RORA: variants seen among roughly 807,000 people sequenced by gnomAD.
The protein encoded by RORA is RAR related orphan receptor A, also known as nuclear receptor ROR-alpha.
Under a neutral mutation model 69.5 loss-of-function variants are expected in RORA, and 7 were observed. The observed-to-expected ratio is 0.10, with a 90% CI of 0.06 to 0.19. The LOEUF (loss-of-function observed/expected upper bound fraction) is 0.19. Ranked by LOEUF, RORA falls within the 10% of genes least tolerant of loss-of-function variation. The pLI, the probability that RORA is intolerant of heterozygous loss-of-function variation, is 1.00. For missense variants in RORA, 457 were observed against 663.0 expected, an observed-to-expected ratio of 0.69 and a Z score of 3.41; for synonymous variants, 261 against 240.8, an observed-to-expected ratio of 1.08 and a Z score of -0.78.
intron 1 of RORA, among the ~76,000 whole-genome samples, chr15:60,990,278 G>T (rs1040556879): frequency 6.6e-5 from 10 of 152,148 alleles, no homozygotes; most frequent in African/African-American, 2.4e-4. Flanking sequence ...AGGATATTTT[G>T]AAATTAGGAA....
chr15:60,653,007 G>A (rs1341406070), intron 2 of RORA, among the ~76,000 whole-genome samples: 2 of 152,210 alleles, frequency 1.3e-5, no homozygotes, highest in Non-Finnish European at 2.9e-5. Flanking sequence ...CAACAACAGA[G>A]TTCACTTCAT....
At chr15:60,722,883 AT>A in intron 1 of RORA, among the ~76,000 whole-genome samples, 1 of 152,164 alleles carries the variant, frequency 6.6e-6, no homozygotes, top group Non-Finnish European at 1.5e-5. Context: ...CACCAAGTCT[AT>A]TTCCCAGAGA....
intron 2 of RORA, among the ~76,000 whole-genome samples, chr15:60,548,468 A>G (rs151169318): frequency 2.0e-4 from 30 of 152,220 alleles, no homozygotes; most frequent in African/African-American, 6.7e-4. Context: ...TCAAACACAC[A>G]CAACAGTCTT....
chr15:60,704,448 T>C (rs1229202506), intron 1 of RORA, among the ~76,000 whole-genome samples: 2 of 147,236 alleles, frequency 1.4e-5, no homozygotes, highest in Non-Finnish European at 3.0e-5. Context: ...CCGAGGAAGC[T>C]GAGATGCAAA....
intron 1 of RORA, among the ~76,000 whole-genome samples, chr15:60,948,662 G>A (rs967939044): frequency 3.9e-5 from 6 of 152,232 alleles, no homozygotes; most frequent in Admixed American, 2.6e-4. Flanking sequence ...GACAAGTTAT[G>A]TGACTTGGTG....
At chr15:60,775,128 T>C (rs1207953336) in intron 1 of RORA, among the ~76,000 whole-genome samples, 1 of 152,208 alleles carries the variant, frequency 6.6e-6, no homozygotes. Flanking sequence ...TCTCTTAAGT[T>C]CCGTAAACTT....
intron 1 of RORA, among the ~76,000 whole-genome samples, chr15:61,165,883 C>G (rs567412455): frequency 2.0e-5 from 3 of 152,324 alleles, no homozygotes; most frequent in African/African-American, 7.2e-5. Flanking sequence ...CCCACAACTA[C>G]TATCTGTGGT....
rs1013084837 is a variant in RORA, at chr15:61,131,228, T to C, written c.166+97825A>G. ...CCATGTGCTTTTACCAGGATCTATGTCACTAACTCTCTAGGTGGCCTCATC... is the reference window on the plus strand; with the variant it reads ...CCATGTGCTTTTACCAGGATCTATGCCACTAACTCTCTAGGTGGCCTCATC... On this transcript the variant is annotated intron_variant, in intron 1 of 10. Coordinates refer to ENST00000335670, the MANE Select transcript of RORA (RefSeq NM_134261.3). The surrounding 1 kb of genome is among the most constrained non-coding windows in gnomAD (Gnocchi z 4.2). 5.9e-5 allele frequency among the ~76,000 whole-genome samples: 9 copies of C among 152,250 alleles called. No individual in the cohort carries two copies. The highest frequency in any genetic ancestry group is 2.2e-4 in the African/African-American group (9 of 41,456).
At chr15:60,520,658 G>C (rs1427370215) in intron 3 of RORA, among the ~76,000 whole-genome samples, 1 of 152,118 alleles carries the variant, frequency 6.6e-6, no homozygotes, top group African/African-American at 2.4e-5. Context: ...CCAGGGATTG[G>C]AGGTCATACA....
chr15:60,627,341 C>T (rs771936038), intron 2 of RORA: 1 of 1,614,198 alleles, frequency 6.2e-7, no homozygotes, highest in South Asian at 1.1e-5. Flanking sequence ...GCCTCAGTCT[C>T]TAAGTCACTG....
At chr15:60,964,971 T>C (rs1300139954) in intron 1 of RORA, among the ~76,000 whole-genome samples, 1 of 152,164 alleles carries the variant, frequency 6.6e-6, no homozygotes, top group Non-Finnish European at 1.5e-5. Context: ...GCCATACTAA[T>C]TATGCTATGG....
intron 3 of RORA, among the ~76,000 whole-genome samples, chr15:60,517,833 A>G (rs1275979567): frequency 2.6e-5 from 4 of 152,152 alleles, no homozygotes; most frequent in African/African-American, 9.7e-5. Context: ...TTCTTGTGTG[A>G]TCACCGAATA....
intron 1 of RORA, among the ~76,000 whole-genome samples, chr15:60,980,244 T>C (rs769421469): frequency 3.5e-4 from 54 of 152,330 alleles, no homozygotes; most frequent in Middle Eastern, 6.8e-3. Context: ...TTAGCTATAA[T>C]GTCCAGCCCT....
chr15:61,100,485 G>C (rs2078863515), intron 1 of RORA, among the ~76,000 whole-genome samples: 1 of 152,188 alleles, frequency 6.6e-6, no homozygotes, highest in African/African-American at 2.4e-5. Flanking sequence ...GGAAGAACAG[G>C]CTGTACATGG....
At chr15:60,498,386 A>G (rs1480685578) in intron 10 of RORA, among the ~76,000 whole-genome samples, 1 of 152,166 alleles carries the variant, frequency 6.6e-6, no homozygotes, top group Non-Finnish European at 1.5e-5. Context: ...TACACATTTT[A>G]TCCAGAACTG....
intron 1 of RORA, among the ~76,000 whole-genome samples, chr15:60,803,520 C>T (rs903203797): frequency 5.3e-5 from 8 of 152,198 alleles, no homozygotes; most frequent in African/African-American, 1.9e-4. Flanking sequence ...CAAGAAAAGG[C>T]AAGGAATTGA....
At chr15:60,835,452 G>C (rs552013913) in intron 1 of RORA, among the ~76,000 whole-genome samples, 5 of 152,290 alleles carry the variant, frequency 3.3e-5, no homozygotes, top group African/African-American at 9.6e-5. Context: ...AGAACCTACA[G>C]AAACACCATC....
intron 2 of RORA, among the ~76,000 whole-genome samples, chr15:60,616,297 C>T (rs1196405949): frequency 6.6e-6 from 1 of 152,114 alleles, no homozygotes; most frequent in African/African-American, 2.4e-5. Context: ...GGTGCTATGA[C>T]GCGTCTTCAG....
rs971139121 is a variant in RORA at position 60,909,815 on chromosome 15, T to C, written c.167-231129A>G. On this transcript the variant is annotated intron_variant, in intron 1 of 10. Transcript: ENST00000335670. Reference sequence around the variant, plus strand: ...GTGGGACTGGAGTGAAAGGCCAAGATTGAGAACGCCTACCTATTTTTTACA... The same window carrying C: ...GTGGGACTGGAGTGAAAGGCCAAGACTGAGAACGCCTACCTATTTTTTACA... Among the ~76,000 whole-genome samples, 8 of 152,336 alleles carry C rather than the reference T, an allele frequency of 5.3e-5. No individual in the cohort carries two copies. In the South Asian group the frequency reaches 1.0e-3, roughly 20 times the overall value.
Sources: gnomAD v4.1 joint callset for allele counts (sites outside exome capture counted in the v4.1 genomes callset) on GRCh38, gnomAD v4.1.1 for gene constraint, Gnocchi (gnomAD v3.1) non-coding constraint, MANE v1.5 for transcripts, NCBI Gene and HGNC (gene_info 2026-07-23, HGNC 2026-07-21) for gene names.